Variants in SLC25A41 observed in about 807,000 individuals in gnomAD.
SLC25A41 encodes solute carrier family 25 member 41, also known as mitochondrial carrier protein SCaMC-3L.
In SLC25A41, 35 loss-of-function variants were observed where a neutral mutation model predicts 34.7. The observed-to-expected ratio is 1.01, with a 90% CI of 0.77 to 1.34. The LOEUF is 1.34. SLC25A41 is among the 40% of genes most tolerant of loss of function. SLC25A41 has a pLI of 0.00. For missense variants in SLC25A41, 492 were observed against 489.8 expected (o/e 1.00, Z -0.04); for synonymous variants, 190 against 209.9 (o/e 0.91, Z 0.82).
chr19:6,433,767 T>C, upstream of SLC25A41: 2 of 1,261,752 alleles, frequency 1.6e-6, no homozygotes, highest in African/African-American at 1.5e-5. Context: ...CGGGAGTGTC[T>C]AGTGGGAGGA....
rs1599250935 is a variant in SLC25A41, at chr19:6,426,156, C to T, written c.*233G>A. ...CACGTTTCTTGTCTCAGGCTGCACC[C>T]TGGGGAGGGAGTCCCAGGAGTTTTC... is the stretch of plus-strand genomic sequence containing the variant. On this transcript the variant is annotated 3_prime_UTR_variant, in exon 7 of 7. Transcript: ENST00000321510. 9 of 518,646 alleles carry T rather than the reference C, an allele frequency of 1.7e-5. No homozygotes were observed. In the South Asian group the frequency reaches 2.6e-4, roughly 15 times the overall value. 32.1% of individuals were successfully genotyped at this position (518,646 alleles called of 1,614,324 possible).
chr19:6,433,440 G>A (rs775137239), intron 1 of SLC25A41, 47 bp downstream of exon 1: 2 of 1,578,862 alleles, frequency 1.3e-6, no homozygotes. Context: ...GCCTCTCCCT[G>A]TAGTCCTGAC....
intron 2 of SLC25A41, among the ~76,000 whole-genome samples, chr19:6,430,863 G>A (rs1016387469): frequency 2.6e-5 from 4 of 152,068 alleles, no homozygotes; most frequent in Admixed American, 2.0e-4. Context: ...GCCCAGGCCG[G>A]AATGCAGTGG....
At chr19:6,434,646 C>T (rs951447967), upstream of SLC25A41, among the ~76,000 whole-genome samples, 1 of 152,106 alleles carries the variant, frequency 6.6e-6, no homozygotes, top group African/African-American at 2.4e-5. Flanking sequence ...TGGTGGCTGA[C>T]GCCTGTAATC....
In SLC25A41 at chr19:6,427,485, A is replaced by C. The variant is rs183437348; in HGVS notation, c.641T>G (p.Leu214Trp). ...INPMEVLKTR[L>W]TLRRTGQYKG... ...GTACTGGCCCGTCCGACGCAAGGTCAACCGCGTCTTCAGCACCTGAGGATG... is the reference window on the plus strand; with the variant it reads ...GTACTGGCCCGTCCGACGCAAGGTCCACCGCGTCTTCAGCACCTGAGGATG... Residue 214 changes from leucine (L) to tryptophan (W), a missense_variant, in exon 5 of 7, where the codon TTG (leucine) becomes TGG (tryptophan). Transcript: ENST00000321510. The surrounding 1 kb of genome is among the most constrained non-coding windows in gnomAD (Gnocchi z 4.9). 6,534 of 1,549,156 alleles carry C rather than the reference A, an allele frequency of 4.2e-3. 26 individuals carry two copies. The highest frequency in any genetic ancestry group is 4.5e-3 in the Non-Finnish European group (5,117 of 1,142,372).
At chr19:6,434,182 A>T (rs190198344), upstream of SLC25A41, among the ~76,000 whole-genome samples, 147 of 152,194 alleles carry the variant, frequency 9.7e-4, no homozygotes, top group African/African-American at 3.3e-3. Context: ...TGACCTCATG[A>T]TCTGCCCACC....
chr19:6,426,239 C>A lies in SLC25A41; in HGVS notation c.*150G>T. 1.6e-6 allele frequency: 1 copy of A among 635,796 alleles called. No homozygotes were observed. The highest frequency in any genetic ancestry group is 2.3e-5 in the South Asian group (1 of 42,914). 39.4% of individuals were successfully genotyped at this position (635,796 alleles called of 1,614,324 possible). A position where few individuals can be genotyped will look rare whatever the true frequency, so the allele number is the denominator to read the frequency against. ...AACCCCAGCTTCAGGAATCTTCTGA[C>A]CCAGAGCCCCACCCCCACCCCCAGC... On this transcript the variant is annotated 3_prime_UTR_variant, in exon 7 of 7. Transcript: ENST00000321510.
upstream of SLC25A41, among the ~76,000 whole-genome samples, chr19:6,434,913 AAACAACAAC>A (rs146524270): frequency 2.6e-4 from 40 of 151,070 alleles, no homozygotes; most frequent in African/African-American, 9.7e-4. Context: ...CATCTCAAAC[AAACAACAAC>A]AACAACAAAA....
rs1352562114 is a variant in SLC25A41 at position 6,433,564 on chromosome 19, G to A, written c.130C>T (p.Pro44Ser). The A allele has an allele frequency of 6.2e-7, 1 of 1,613,694 alleles. No homozygotes were observed. Among genetic ancestry groups the A allele is most frequent in the Non-Finnish European group, 8.5e-7 (1 of 1,179,838 alleles). The change falls in exon 1 of 7, where the codon CCT (proline) becomes TCT (serine). Residue 44 changes from proline (P) to serine (S), a missense_variant. Physicochemically the swap from Pro to Ser is moderately conservative, Grantham distance 74. Transcript: ENST00000321510. ...QPPPPPPSWNPGCTHVYGYAF... is the reference protein window; with the variant it reads ...QPPPPPPSWNSGCTHVYGYAF... ...TACCCATACACGTGTGTACAGCCAG[G>A]GTTCCAGGATGGGGGTGGAGGCGGA...
At position 6,426,278 on chromosome 19, in the gene SLC25A41, C is replaced by T; in HGVS notation, c.*111G>A. On this transcript the variant is annotated 3_prime_UTR_variant, in exon 7 of 7. Transcript: ENST00000321510. ...CCCACCCCCAGCCTGCTTTTGCCAC[C>T]AAAAACTGCCCCAGGGCCTGAACCT... The T allele has an allele frequency of 1.1e-6, 1 of 919,342 alleles. No individual in the cohort carries two copies. The highest frequency in any genetic ancestry group is 1.5e-6 in the Non-Finnish European group (1 of 674,504). 56.9% of individuals were successfully genotyped at this position (919,342 alleles called of 1,614,324 possible).
chr19:6,433,592 T>C lies in SLC25A41; in HGVS notation c.102A>G (p.Gln34=). The change falls in exon 1 of 7, where the codon CAA becomes CAG. Residue 34 remains glutamine, a synonymous_variant. Coordinates refer to ENST00000321510, the MANE Select transcript of SLC25A41 (RefSeq NM_173637.4). ...TCCAGGATGGGGGTGGAGGCGGAGG[T>C]TGGGGGGGAGGCGGGGCTTTGATGA... ...TLLIKAPPPP[Q]PPPPPPSWNP... is the part of the protein sequence containing the mutation. The C allele has an allele frequency of 1.9e-6, 3 of 1,608,916 alleles. No individual in the cohort carries two copies. The highest frequency in any genetic ancestry group is 1.7e-6 in the Non-Finnish European group (2 of 1,177,202).
At position 6,429,836 on chromosome 19, in the gene SLC25A41, G is replaced by A. The variant is rs369410019; in HGVS notation, c.517-5C>T. 6.2e-7 allele frequency: 1 copy of A among 1,610,374 alleles called. No individual in the cohort carries two copies. The highest frequency in any genetic ancestry group is 8.5e-7 in the Non-Finnish European group (1 of 1,178,046). ...TCCACAGAAGTAATTCTTGCACTGG[G>A]AGAGGAGAGAGGAGGGTGAGAGAGA... On this transcript the variant is annotated splice_polypyrimidine_tract_variant and splice_region_variant and intron_variant, in intron 3 of 6. Transcript: ENST00000321510.
intron 4 of SLC25A41, among the ~76,000 whole-genome samples, chr19:6,429,416 A>AGAAG (rs2092271689): frequency 8.4e-5 from 2 of 23,914 alleles, no homozygotes; most frequent in African/African-American, 1.3e-4. Context: ...GGAAGAGGGG[A>AGAAG]GGAGAAGGGA....
chr19:6,435,015 G>C (rs1298034514), upstream of SLC25A41, among the ~76,000 whole-genome samples: 1 of 151,870 alleles, frequency 6.6e-6, no homozygotes, highest in Non-Finnish European at 1.5e-5. Context: ...TTGAGCCCAG[G>C]AGTTCAAGAC....
chr19:6,434,204 A>G (rs2145150713), upstream of SLC25A41, among the ~76,000 whole-genome samples: 1 of 152,168 alleles, frequency 6.6e-6, no homozygotes, highest in African/African-American at 2.4e-5. Flanking sequence ...CAGCCTCCCA[A>G]AGTGCTGGGA....
At chr19:6,430,189 C>A in intron 2 of SLC25A41, 28 bp from the exon 3 acceptor site, 1 of 1,588,264 alleles carries the variant, frequency 6.3e-7, no homozygotes, top group South Asian at 1.1e-5. Context: ...CCTGGAGGAG[C>A]CCCTGCTCGC....
upstream of SLC25A41, among the ~76,000 whole-genome samples, chr19:6,433,966 C>T (rs181571586): frequency 0.011 from 1,613 of 152,040 alleles, 18 homozygotes; most frequent in South Asian, 0.03. Flanking sequence ...TTTTTTGAGA[C>T]GGAGTCTCGC....
In SLC25A41 at chr19:6,426,327, GC is replaced by G; in HGVS notation, c.*61del. 1.3e-6 allele frequency: 2 copies of G among 1,553,316 alleles called. No individual in the cohort carries two copies. Among genetic ancestry groups the G allele is most frequent in the Non-Finnish European group, 8.8e-7 (1 of 1,139,218 alleles). ...CTTGAGGCCTCGAGGGCTCTTTGGG[GC>G]CAGGGGTCATCAGGTCCTCCTGTCC... On this transcript the variant is annotated 3_prime_UTR_variant, in exon 7 of 7. Transcript: ENST00000321510.
rs1163257902 is a variant in SLC25A41, at chr19:6,426,199, C to T, written c.*190G>A. The T allele has an allele frequency of 4.9e-6, 3 of 609,412 alleles. No homozygotes were observed. Among genetic ancestry groups the T allele is most frequent in the Non-Finnish European group, 8.4e-6 (3 of 358,834 alleles). The allele number at this position is 609,412 out of a possible 1,614,324, so 37.8% of individuals were successfully genotyped here. ...GAGTTTTCTGACCCAGCACTGCCCC[C>T]CTCCACCCACCACCAACCCCAGCTT... On this transcript the variant is annotated 3_prime_UTR_variant, in exon 7 of 7. Transcript: ENST00000321510.
Sources: allele counts gnomAD v4.1 joint callset (sites outside exome capture counted in the v4.1 genomes callset), GRCh38; gene constraint gnomAD v4.1.1; non-coding constraint Gnocchi (gnomAD v3.1); transcripts MANE v1.5; gene names NCBI Gene and HGNC (gene_info 2026-07-23, HGNC 2026-07-21).